The following PSMC2 variants were observed in gnomAD, a reference collection of about 807,000 sequenced individuals.
The protein encoded by PSMC2 is proteasome 26S subunit, ATPase 2.
In PSMC2, 7 loss-of-function variants were observed where a neutral mutation model predicts 53.3. That is an observed-to-expected ratio of 0.13 (90% CI 0.07 to 0.25). The LOEUF (loss-of-function observed/expected upper bound fraction) is 0.25, where lower values mean the gene tolerates loss of function less well. PSMC2 is among the 10% of genes least tolerant of loss of function. The pLI is 1.00. For synonymous variants in PSMC2, 169 were observed against 183.9 expected (o/e 0.92, Z 0.66); for missense variants, 241 against 544.0 (o/e 0.44, Z 5.54).
chr7:103,364,321 A>G lies in PSMC2; in HGVS notation c.756+14A>G. On this transcript the variant is annotated intron_variant, in intron 8 of 11. Transcript: ENST00000292644. ...TACGTCGGTGAGGTAAAGTAAATTT[A>G]TCAAAGAATATATAGCCTTGTGAAA... 6.2e-7 allele frequency: 1 copy of G among 1,613,436 alleles called. No individual in the cohort carries two copies. The highest frequency in any genetic ancestry group is 1.3e-5 in the African/African-American group (1 of 75,036).
chr7:103,355,227 A>G (rs1252643891), intron 3 of PSMC2, among the ~76,000 whole-genome samples: 1 of 152,260 alleles, frequency 6.6e-6, no homozygotes, highest in Non-Finnish European at 1.5e-5. Flanking sequence ...TTCAGTTAAC[A>G]AGTCAAAAAA....
chr7:103,356,132 G>T (rs545811593), intron 4 of PSMC2, among the ~76,000 whole-genome samples: 34 of 151,660 alleles, frequency 2.2e-4, no homozygotes, highest in Admixed American at 2.0e-3. Context: ...TCCTGTATTT[G>T]CATGCAAAGA....
Position 103,368,073 on chromosome 7 carries a change from T to A in PSMC2, c.*19T>A. On this transcript the variant is annotated 3_prime_UTR_variant, in exon 12 of 12. Transcript: ENST00000292644. ...CAACTGAACCCTGAAGGCTTTCAAG[T>A]GAAAACTTTAAATTGGAATCCTAAC... is the stretch of plus-strand genomic sequence containing the variant. The A allele has an allele frequency of 6.3e-7, 1 of 1,583,250 alleles. No individual in the cohort carries two copies. Among genetic ancestry groups the A allele is most frequent in the Non-Finnish European group, 8.6e-7 (1 of 1,163,598 alleles).
At position 103,366,312 on chromosome 7, in the gene PSMC2, G is replaced by A. The variant is rs1050017233; in HGVS notation, c.844+149G>A. 1.8e-5 allele frequency: 12 copies of A among 663,504 alleles called. No homozygotes were observed. In the African/African-American group the frequency reaches 2.0e-4, roughly 11 times the overall value. The allele number at this position is 663,504 out of a possible 1,614,324, so 41.1% of individuals were successfully genotyped here. ...AGTGGCGCCACAGATCTAATAAGTA[G>A]TAGTGCTAAACTATAAAGGCAAGAA... On this transcript the variant is annotated intron_variant, in intron 9 of 11. Coordinates refer to ENST00000292644, the MANE Select transcript of PSMC2 (RefSeq NM_002803.4).
At chr7:103,354,072 C>A (rs1398672219) in intron 2 of PSMC2, 114 bp downstream of exon 2, 33 of 767,076 alleles carry the variant, frequency 4.3e-5, no homozygotes, top group South Asian at 6.5e-5. Context: ...AATTAAAAAA[C>A]CAAACAAAAA....
At position 103,363,334 on chromosome 7, in the gene PSMC2, C is replaced by A; in HGVS notation, c.496-10C>A. ...TGACTGTATGTTGTACATTTCTGTC[C>A]CTCTCTTAGGTGGAAGAGAAACCTG... On this transcript the variant is annotated splice_polypyrimidine_tract_variant and intron_variant, in intron 6 of 11. Coordinates refer to ENST00000292644, the MANE Select transcript of PSMC2 (RefSeq NM_002803.4). 2 of 1,599,252 alleles carry A rather than the reference C, an allele frequency of 1.3e-6. No homozygotes were observed. The highest frequency in any genetic ancestry group is 8.6e-7 in the Non-Finnish European group (1 of 1,166,608).
intron 4 of PSMC2, among the ~76,000 whole-genome samples, chr7:103,359,138 CTTTTTTTT>C (rs35936603): frequency 9.6e-4 from 30 of 31,334 alleles, no homozygotes; most frequent in East Asian, 4.5e-3. Flanking sequence ...CCATGTCTGG[CTTTTTTTT>C]TTTTTTTTTT....
chr7:103,359,823 T>G (rs1296510933), intron 4 of PSMC2, among the ~76,000 whole-genome samples: 2 of 152,218 alleles, frequency 1.3e-5, no homozygotes, highest in African/African-American at 4.8e-5. Flanking sequence ...CTCATGCCTG[T>G]AATCCCAGCA....
Position 103,356,555 on chromosome 7 carries a change from T to C in PSMC2, c.290+762T>C, listed in dbSNP as rs1299613705. 1.3e-5 allele frequency among the ~76,000 whole-genome samples: 2 copies of C among 152,254 alleles called. 1 individual carries two copies. Among genetic ancestry groups the C allele is most frequent in the Non-Finnish European group, 2.9e-5 (2 of 68,040 alleles). On this transcript the variant is annotated intron_variant, in intron 4 of 11. Transcript: ENST00000292644. ...TTTGAGGGAAAATAATTTTAATTTGTACTGTGTTGATTACTAGTATGATAG... is the reference window on the plus strand; with the variant it reads ...TTTGAGGGAAAATAATTTTAATTTGCACTGTGTTGATTACTAGTATGATAG...
intron 3 of PSMC2, among the ~76,000 whole-genome samples, chr7:103,355,467 T>C (rs112392059): frequency 1.2e-4 from 15 of 126,430 alleles, no homozygotes; most frequent in African/African-American, 4.4e-4. Context: ...CAGAGGACAC[T>C]GGGCAATGTC....
intron 8 of PSMC2, among the ~76,000 whole-genome samples, chr7:103,364,985 T>TATATATATATATATATATATATATA (rs1820631473): frequency 3.6e-5 from 2 of 55,612 alleles, no homozygotes; most frequent in African/African-American, 6.0e-5. Context: ...ATATATATAT[T>TATATATATATATATATATATATATA]TAGAGAATAA....
chr7:103,355,585 C>A, intron 3 of PSMC2, 109 bp from the exon 4 acceptor site: 1 of 803,500 alleles, frequency 1.2e-6, no homozygotes. Flanking sequence ...CATGATAGTC[C>A]TCACAATGAA....
chr7:103,355,229 G>C (rs1819962853), intron 3 of PSMC2, among the ~76,000 whole-genome samples: 1 of 152,298 alleles, frequency 6.6e-6, no homozygotes, highest in South Asian at 2.1e-4. Context: ...CAGTTAACAA[G>C]TCAAAAAACT....
intron 4 of PSMC2, among the ~76,000 whole-genome samples, chr7:103,358,935 T>G (rs1820197929): frequency 6.6e-6 from 1 of 151,836 alleles, no homozygotes; most frequent in Admixed American, 6.6e-5. Flanking sequence ...CTCATACTCT[T>G]TGCTTAAAAC....
At chr7:103,351,667 A>T (rs1248610597) in intron 1 of PSMC2, among the ~76,000 whole-genome samples, 1 of 152,202 alleles carries the variant, frequency 6.6e-6, no homozygotes, top group African/African-American at 2.4e-5. Context: ...AACCAACCTT[A>T]TAAGCAGGCC....
At chr7:103,362,243 A>T (rs1820454805) in intron 5 of PSMC2, 155 bp downstream of exon 5, 2 of 1,437,368 alleles carry the variant, frequency 1.4e-6, no homozygotes, top group Non-Finnish European at 1.8e-6. Flanking sequence ...TGTCTTCTGC[A>T]TCTGCTTCCT....
At chr7:103,361,650 A>C (rs1051847593) in intron 4 of PSMC2, among the ~76,000 whole-genome samples, 1 of 152,160 alleles carries the variant, frequency 6.6e-6, no homozygotes, top group Non-Finnish European at 1.5e-5. Context: ...AGAGCAACTT[A>C]AGATATACAG....
intron 4 of PSMC2, among the ~76,000 whole-genome samples, chr7:103,357,790 T>C (rs1289150502): frequency 6.6e-6 from 1 of 152,184 alleles, no homozygotes; most frequent in African/African-American, 2.4e-5. Flanking sequence ...TGCCTGGTTT[T>C]CTGTGCATAT....
chr7:103,367,319 A>G lies in PSMC2; in HGVS notation c.845-94A>G. The G allele has an allele frequency of 8.5e-7, 1 of 1,173,100 alleles. No homozygotes were observed. The allele number at this position is 1,173,100 out of a possible 1,614,324, so 72.7% of individuals were successfully genotyped here. On this transcript the variant is annotated intron_variant, in intron 9 of 11. Transcript: ENST00000292644. The surrounding 1 kb of genome is among the most constrained non-coding windows in gnomAD (Gnocchi z 6.1). ...TGGGATGTCACTTGTGCCTGAGGAC[A>G]TGATTTGAGCTGAGATTTTTGGTAC... is the stretch of plus-strand genomic sequence containing the variant.
Sources: allele counts gnomAD v4.1 joint callset (sites outside exome capture counted in the v4.1 genomes callset), GRCh38; gene constraint gnomAD v4.1.1; non-coding constraint Gnocchi (gnomAD v3.1); transcripts MANE v1.5; gene names NCBI Gene and HGNC (gene_info 2026-07-23, HGNC 2026-07-21).